FAM20C: variants seen among roughly 807,000 people sequenced by gnomAD.
The protein encoded by FAM20C is FAM20C golgi associated secretory pathway kinase.
A neutral mutation model predicts 51.5 loss-of-function variants in FAM20C; 40 were observed. That is an observed-to-expected ratio of 0.78 (90% confidence interval 0.60 to 1.01). FAM20C has a LOEUF of 1.01. FAM20C is among the 50% of genes least tolerant of loss of function. The pLI, the probability that FAM20C is intolerant of heterozygous loss-of-function variation, is 0.00. For missense variants in FAM20C, 861 were observed against 844.7 expected (o/e 1.02, Z -0.24); for synonymous variants, 406 against 380.6 (o/e 1.07, Z -0.78).
At chr7:228,736 A>C in intron 3 of FAM20C, 1 of 456,230 alleles carries the variant, frequency 2.2e-6, no homozygotes, top group Non-Finnish European at 4.4e-6. Context: ...TCCATCCCAC[A>C]TCCTCCACCA....
chr7:218,164 C>T (rs1462255098), intron 3 of FAM20C, among the ~76,000 whole-genome samples: 6 of 152,198 alleles, frequency 3.9e-5, no homozygotes, highest in East Asian at 1.9e-4. Flanking sequence ...CAGGCCACAG[C>T]GTTCACCCGG....
At position 193,394 on chromosome 7, in the gene FAM20C, C is replaced by A. The variant is rs1169304642; in HGVS notation, c.195C>A (p.Gly65=). Residue 65 remains glycine (G), a synonymous_variant, in exon 1 of 10, where the codon GGC becomes GGA. Transcript: ENST00000313766. The stretch of plus-strand genomic sequence containing the variant: ...CGCCCGGCTGGGCCCAGGTTCGGGG[C>A]CGCCCCGGGGAGCCCCCGGCCGCCT... ...VAAPGWAQVR[G]RPGEPPAASS... 39 of 1,385,404 alleles carry A rather than the reference C, an allele frequency of 2.8e-5. No homozygotes were observed. Among genetic ancestry groups the A allele is most frequent in the Non-Finnish European group, 3.7e-5 (39 of 1,057,822 alleles). The allele number at this position is 1,385,404 out of a possible 1,614,324, so 85.8% of individuals were successfully genotyped here.
Position 260,351 on chromosome 7 carries a change from C to T in FAM20C, c.*371C>T, listed in dbSNP as rs556433691. ...CACCTACCAAACCAAACACGAGGAC[C>T]GCCCTCCCTGGTTCTGGGGGCCCCT... is the stretch of plus-strand genomic sequence containing the variant. On this transcript the variant is annotated 3_prime_UTR_variant, in exon 10 of 10. Transcript: ENST00000313766. 6 of 165,674 alleles carry T rather than the reference C, an allele frequency of 3.6e-5. No individual in the cohort carries two copies. Among genetic ancestry groups the T allele is most frequent in the East Asian group, 3.4e-4 (2 of 5,950 alleles). 10.3% of individuals were successfully genotyped at this position (165,674 alleles called of 1,614,324 possible).
intron 3 of FAM20C, among the ~76,000 whole-genome samples, chr7:220,336 C>A (rs1472997297): frequency 6.6e-6 from 1 of 152,202 alleles, no homozygotes; most frequent in Non-Finnish European, 1.5e-5. Flanking sequence ...GCTGGGCCCA[C>A]CCACTGGGCG....
chr7:213,237 G>T (rs1266272503), intron 3 of FAM20C, among the ~76,000 whole-genome samples: 2 of 151,002 alleles, frequency 1.3e-5, no homozygotes, highest in African/African-American at 2.4e-5. Flanking sequence ...GACATGGAGG[G>T]CTGTGGAGTT....
Position 230,374 on chromosome 7 carries a change from G to T in FAM20C, c.864-16041G>T, listed in dbSNP as rs939385812. Among the ~76,000 whole-genome samples the T allele has an allele frequency of 7.2e-5, 7 of 97,542 alleles. 2 individuals are homozygous for T. Among genetic ancestry groups the T allele is most frequent in the East Asian group, 3.4e-4 (1 of 2,914 alleles). 64.0% of individuals were successfully genotyped at this position (97,542 alleles called of 152,430 possible). A position where few individuals can be genotyped will look rare whatever the true frequency, so the allele number is the denominator to read the frequency against. On this transcript the variant is annotated intron_variant, in intron 3 of 9. Coordinates refer to ENST00000313766, the MANE Select transcript of FAM20C (RefSeq NM_020223.4). ...CATTTCTTGTCCCCAGGACGGGGTG[G>T]GGGGGGGGGGGAACAGATCCCCGTG...
intron 5 of FAM20C, among the ~76,000 whole-genome samples, chr7:251,809 G>A (rs987827778): frequency 1.3e-5 from 2 of 152,142 alleles, no homozygotes; most frequent in African/African-American, 4.8e-5. Context: ...GGCAGCGCAA[G>A]TTTCTCCCCT....
rs554219082 is a variant in FAM20C at position 224,183 on chromosome 7, G to A, written c.863+15207G>A. 2.0e-3 allele frequency among the ~76,000 whole-genome samples: 303 copies of A among 148,852 alleles called. 1 individual carries two copies. Among genetic ancestry groups the A allele is most frequent in the Non-Finnish European group, 2.6e-3 (177 of 67,274 alleles). On this transcript the variant is annotated intron_variant, in intron 3 of 9. Transcript: ENST00000313766. ...TGAGCATTCTCTCACGGAGCAGAAC[G>A]GCACCGTCACGGGGTCGCACGGCGG...
intron 3 of FAM20C, chr7:228,264 G>A (rs936452142): frequency 4.3e-5 from 15 of 348,064 alleles, no homozygotes; most frequent in Non-Finnish European, 8.6e-5. Context: ...CCTGCCCTGG[G>A]CAGGGTCTTG....
At chr7:230,818 C>T (rs912769690) in intron 3 of FAM20C, among the ~76,000 whole-genome samples, 2 of 148,598 alleles carry the variant, frequency 1.3e-5, no homozygotes, top group Admixed American at 6.8e-5. Context: ...TAATACCTAT[C>T]GGTTAATGAA....
chr7:258,763 C>G lies in FAM20C; in HGVS notation c.1505+58C>G, dbSNP rs1034579169. On this transcript the variant is annotated intron_variant, in intron 9 of 9. Transcript: ENST00000313766. ...ACCCTCCTCCCTACTGCGCAGGAGA[C>G]AGAGGAGGCCACAGCCTTCCCCACC... is the stretch of plus-strand genomic sequence containing the variant. 8 of 1,454,902 alleles carry G rather than the reference C, an allele frequency of 5.5e-6. No individual in the cohort carries two copies. In the African/African-American group the frequency reaches 8.4e-5, roughly 15 times the overall value. The allele number at this position is 1,454,902 out of a possible 1,614,324, so 90.1% of individuals were successfully genotyped here.
chr7:252,887 C>A (rs1025504913), intron 5 of FAM20C, among the ~76,000 whole-genome samples: 3 of 152,252 alleles, frequency 2.0e-5, no homozygotes, highest in African/African-American at 7.2e-5. Flanking sequence ...ACGTAAGTTA[C>A]CGTCTGCACG....
At chr7:255,045 G>C (rs942772531) in intron 5 of FAM20C, among the ~76,000 whole-genome samples, 1 of 152,222 alleles carries the variant, frequency 6.6e-6, no homozygotes, top group African/African-American at 2.4e-5. Context: ...GAGCGGTGCT[G>C]CTGTGAGCAT....
At chr7:212,404 A>G (rs1786765052) in intron 3 of FAM20C, among the ~76,000 whole-genome samples, 2 of 152,206 alleles carry the variant, frequency 1.3e-5, no homozygotes, top group African/African-American at 4.8e-5. Context: ...TGGAGGTTAC[A>G]GTGAGCCGAG....
In FAM20C at chr7:216,861, A is replaced by G. The variant is rs1470607761; in HGVS notation, c.863+7885A>G. On this transcript the variant is annotated intron_variant, in intron 3 of 9. Transcript: ENST00000313766. ...TGACACAGTATTTCTAGATGCAGAA[A>G]CTTTAGCCCTCCTTCCGGGCTCTGA... is the stretch of plus-strand genomic sequence containing the variant. Among the ~76,000 whole-genome samples, 7 of 152,190 alleles carry G rather than the reference A, an allele frequency of 4.6e-5. No individual in the cohort carries two copies. The East Asian group carries it at 1.4e-3, about 29-fold the overall frequency.
chr7:227,512 A>G (rs1256073474), intron 3 of FAM20C: 1 of 152,086 alleles, frequency 6.6e-6, no homozygotes, highest in African/African-American at 2.4e-5. Context: ...GAAAAACAAG[A>G]TTGTAACAGT....
chr7:196,756 C>T (rs891349718), intron 2 of FAM20C, among the ~76,000 whole-genome samples: 2 of 152,194 alleles, frequency 1.3e-5, no homozygotes, highest in African/African-American at 2.4e-5. Flanking sequence ...CTGAGCTCTT[C>T]GGGGCTGTTT....
intron 3 of FAM20C, among the ~76,000 whole-genome samples, chr7:240,520 AGGTGAT>A (rs1239677734): frequency 6.6e-6 from 1 of 151,616 alleles, no homozygotes; most frequent in African/African-American, 2.4e-5. Flanking sequence ...GATGATGTGG[AGGTGAT>A]GGTGGTGATG....
At chr7:249,028 G>A (rs1788291871) in intron 5 of FAM20C, among the ~76,000 whole-genome samples, 1 of 148,096 alleles carries the variant, frequency 6.8e-6, no homozygotes, top group Non-Finnish European at 1.5e-5. Context: ...TTTAACCAAT[G>A]TCCTTCTGTG....
Sources: gnomAD v4.1 joint callset for allele counts (sites outside exome capture counted in the v4.1 genomes callset) on GRCh38, gnomAD v4.1.1 for gene constraint, MANE v1.5 for transcripts, NCBI Gene and HGNC (gene_info 2026-07-23, HGNC 2026-07-21) for gene names.